The following WDFY2 variants were observed in gnomAD, a reference collection of about 807,000 sequenced individuals.
The protein encoded by WDFY2 is WD repeat and FYVE domain containing 2, also known as WD repeat and FYVE domain-containing protein 2.
Under a neutral mutation model 56.4 loss-of-function variants are expected in WDFY2, and 36 were observed. The ratio of observed to expected loss-of-function variants is 0.64; its 90% CI spans 0.49 to 0.84. The LOEUF is 0.84. WDFY2 is among the 40% of genes least tolerant of loss of function. WDFY2 has a pLI of 0.00. For synonymous variants in WDFY2, 176 were observed against 183.7 expected, an observed-to-expected ratio of 0.96 and a Z score of 0.34; for missense variants, 444 against 512.2, an observed-to-expected ratio of 0.87 and a Z score of 1.29.
chr13:51,701,656 A>G (rs778569121), intron 3 of WDFY2, among the ~76,000 whole-genome samples: 8 of 152,054 alleles, frequency 5.3e-5, no homozygotes, highest in Admixed American at 1.3e-4. Context: ...TGGTAATTTT[A>G]TTTTTAATGT....
chr13:51,687,877 T>G (rs1956087712), intron 3 of WDFY2, among the ~76,000 whole-genome samples: 1 of 152,112 alleles, frequency 6.6e-6, no homozygotes. Flanking sequence ...GAGGTGATTA[T>G]ATGAAAGGAG....
intron 8 of WDFY2, among the ~76,000 whole-genome samples, chr13:51,752,371 A>G (rs191663207): frequency 6.6e-6 from 1 of 152,292 alleles, no homozygotes; most frequent in Admixed American, 6.5e-5. Context: ...TGAAAACTAT[A>G]TTTGGCACCA....
At chr13:51,590,203 C>T (rs1342426294) in intron 1 of WDFY2, 1 of 152,106 alleles carries the variant, frequency 6.6e-6, no homozygotes, top group African/African-American at 2.4e-5. Context: ...AATTCTGACA[C>T]TCTTAAAATG....
intron 1 of WDFY2, among the ~76,000 whole-genome samples, chr13:51,607,490 A>G (rs1467473207): frequency 6.6e-6 from 1 of 151,958 alleles, no homozygotes; most frequent in Non-Finnish European, 1.5e-5. Context: ...TTCTGAGAAC[A>G]TTTTTGCAAA....
chr13:51,686,917 T>G (rs1247086312), intron 3 of WDFY2, among the ~76,000 whole-genome samples: 4 of 151,846 alleles, frequency 2.6e-5, no homozygotes, highest in African/African-American at 9.7e-5. Context: ...TCAAAATTAC[T>G]GTGGGTAACA....
At chr13:51,716,512 G>A (rs1187128079) in intron 4 of WDFY2, among the ~76,000 whole-genome samples, 2 of 151,480 alleles carry the variant, frequency 1.3e-5, no homozygotes, top group Non-Finnish European at 2.9e-5. Flanking sequence ...CTAAAACGGT[G>A]AAACCCCGTC....
intron 5 of WDFY2, among the ~76,000 whole-genome samples, chr13:51,723,602 C>A (rs1952538762): frequency 6.6e-6 from 1 of 152,108 alleles, no homozygotes; most frequent in African/African-American, 2.4e-5. Flanking sequence ...GAAAAACTGC[C>A]CCTATAATCT....
chr13:51,625,409 T>C (rs1343164739), intron 1 of WDFY2, among the ~76,000 whole-genome samples: 1 of 152,254 alleles, frequency 6.6e-6, no homozygotes, highest in African/African-American at 2.4e-5. Flanking sequence ...AGTTTTAGTT[T>C]GTTCTGTTTT....
At chr13:51,726,710 C>T (rs1026283837) in intron 5 of WDFY2, among the ~76,000 whole-genome samples, 2 of 152,192 alleles carry the variant, frequency 1.3e-5, no homozygotes. Flanking sequence ...CTTCGTAAGC[C>T]GACTTTCAGA....
At chr13:51,601,364 T>G (rs1191914312) in intron 1 of WDFY2, among the ~76,000 whole-genome samples, 1 of 152,128 alleles carries the variant, frequency 6.6e-6, no homozygotes, top group Non-Finnish European at 1.5e-5. Flanking sequence ...TTAATCTGTT[T>G]ATGTGCCTTT....
intron 2 of WDFY2, among the ~76,000 whole-genome samples, chr13:51,661,502 G>A (rs1472827310): frequency 6.6e-6 from 1 of 152,122 alleles, no homozygotes; most frequent in Non-Finnish European, 1.5e-5. Flanking sequence ...CTGGCTTGCT[G>A]CAGTGTACCT....
intron 3 of WDFY2, among the ~76,000 whole-genome samples, chr13:51,694,084 C>T (rs1171719718): frequency 1.6e-4 from 25 of 152,002 alleles, no homozygotes; most frequent in East Asian, 7.7e-4. Flanking sequence ...TGTCTCTGCA[C>T]GTGAGATGGG....
At position 51,760,009 on chromosome 13, in the gene WDFY2, CAGT is replaced by C; in HGVS notation, c.*241_*243del. ...CTATTTTTTTAACAAATGGTTTATA[CAGT>C]CTGGCTGTGCTGCATTGTTTTGAGT... On this transcript the variant is annotated 3_prime_UTR_variant, in exon 12 of 12. Coordinates refer to ENST00000298125, the MANE Select transcript of WDFY2 (RefSeq NM_052950.4). 4.3e-6 allele frequency: 2 copies of C among 464,298 alleles called. No individual in the cohort carries two copies. The highest frequency in any genetic ancestry group is 3.2e-5 in the East Asian group (1 of 31,224). 28.8% of individuals were successfully genotyped at this position (464,298 alleles called of 1,614,324 possible).
intron 1 of WDFY2, among the ~76,000 whole-genome samples, chr13:51,607,234 A>G (rs970615228): frequency 2.0e-5 from 3 of 152,224 alleles, no homozygotes; most frequent in African/African-American, 7.2e-5. Flanking sequence ...TGCAAAGTCC[A>G]GTGAGTTGTC....
chr13:51,673,551 T>TA (rs779897683), intron 2 of WDFY2, among the ~76,000 whole-genome samples: 1 of 152,260 alleles, frequency 6.6e-6, no homozygotes, highest in African/African-American at 2.4e-5. Context: ...ATCCTGTACT[T>TA]ATGTGTGTAT....
intron 3 of WDFY2, among the ~76,000 whole-genome samples, chr13:51,695,527 G>C (rs1951849819): frequency 6.6e-6 from 1 of 152,206 alleles, no homozygotes; most frequent in Non-Finnish European, 1.5e-5. Flanking sequence ...GCTGCTGTCT[G>C]ATCATTCCTC....
At chr13:51,622,853 CTTTTTTTT>C (rs59372497) in intron 1 of WDFY2, among the ~76,000 whole-genome samples, 6 of 130,970 alleles carry the variant, frequency 4.6e-5, no homozygotes, top group African/African-American at 1.8e-4. Context: ...TAACTTTACA[CTTTTTTTT>C]TTTTTTTTTT....
At chr13:51,682,834 A>G (rs545644174) in intron 3 of WDFY2, among the ~76,000 whole-genome samples, 3 of 152,308 alleles carry the variant, frequency 2.0e-5, no homozygotes, top group South Asian at 2.1e-4. Flanking sequence ...GTTAAAGTCT[A>G]TGTCATGAGC....
chr13:51,607,966 C>A (rs1446453799), intron 1 of WDFY2, among the ~76,000 whole-genome samples: 1 of 152,090 alleles, frequency 6.6e-6, no homozygotes, highest in African/African-American at 2.4e-5. Flanking sequence ...TCAGAGAGGA[C>A]AAGGCAACGT....
Sources: gnomAD v4.1 joint callset for allele counts (sites outside exome capture counted in the v4.1 genomes callset) on GRCh38, gnomAD v4.1.1 for gene constraint, MANE v1.5 for transcripts, NCBI Gene and HGNC (gene_info 2026-07-23, HGNC 2026-07-21) for gene names.